The following ABCA13 variants were observed in gnomAD, a reference collection of about 807,000 sequenced individuals.
ABCA13 encodes the protein ATP-binding cassette sub-family A member 13.
Under a neutral mutation model 478.7 loss-of-function variants are expected in ABCA13, and 476 were observed. That is an observed-to-expected ratio of 0.99 (90% confidence interval 0.92 to 1.07). The LOEUF (loss-of-function observed/expected upper bound fraction) is 1.07. ABCA13 is among the 50% of genes least tolerant of loss of function. ABCA13 has a pLI of 0.00. For synonymous variants in ABCA13, 2,252 were observed against 2,158.9 expected, an observed-to-expected ratio of 1.04 and a Z score of -1.20; for missense variants, 6,060 against 5,910.6, an observed-to-expected ratio of 1.03 and a Z score of -0.83.
intron 39 of ABCA13, 90 bp downstream of exon 39, chr7:48,403,969 C>A: frequency 1.4e-6 from 2 of 1,434,884 alleles, no homozygotes; most frequent in Non-Finnish European, 1.9e-6. Context: ...CAAGTTGTAT[C>A]CCAGTGAGGC....
Position 48,575,935 on chromosome 7 carries a change from C to T in ABCA13, c.14355-4289C>T, listed in dbSNP as rs1407003072. 2.0e-5 allele frequency among the ~76,000 whole-genome samples: 3 copies of T among 152,056 alleles called. No homozygotes were observed. The East Asian group carries it at 5.8e-4, about 29-fold the overall frequency. ...TATCCATGGATTCAACTAACTGTGC[C>T]ACAAAATATTCAGAAAAAAAGGGAT... On this transcript the variant is annotated intron_variant, in intron 55 of 61. Coordinates refer to ENST00000435803, the MANE Select transcript of ABCA13 (RefSeq NM_152701.5).
intron 15 of ABCA13, among the ~76,000 whole-genome samples, chr7:48,250,172 G>T (rs1191431135): frequency 3.3e-5 from 5 of 152,182 alleles, no homozygotes; most frequent in Admixed American, 3.3e-4. Flanking sequence ...TGCATAGGGT[G>T]AGGTATGTGG....
At chr7:48,554,810 T>A (rs1022757685) in intron 55 of ABCA13, among the ~76,000 whole-genome samples, 5 of 142,370 alleles carry the variant, frequency 3.5e-5, no homozygotes, top group African/African-American at 1.4e-4. Flanking sequence ...TGGATGCCCT[T>A]TATTATTATT....
intron 9 of ABCA13, among the ~76,000 whole-genome samples, chr7:48,239,745 C>G (rs1324930848): frequency 6.6e-6 from 1 of 152,246 alleles, no homozygotes; most frequent in Admixed American, 6.5e-5. Context: ...CATTTGCATG[C>G]TAGCATTGGG....
At chr7:48,392,725 A>G (rs6955132) in intron 38 of ABCA13, among the ~76,000 whole-genome samples, 37,882 of 152,078 alleles carry the variant, frequency 0.25, 5,389 homozygotes, top group African/African-American at 0.39. Flanking sequence ...GGGAGAGACT[A>G]GATACAGAGT....
chr7:48,244,671 A>G lies in ABCA13; in HGVS notation c.1358A>G (p.Asn453Ser), dbSNP rs1200858991. ...CTTCAGCTTGATGGAGCTCTCAGAA[A>G]TGCGATAGCTCAGAATTTACATTTT... The part of the protein sequence containing the change: ...RFLQLDGALR[N>S]AIAQNLHFVQ... Residue 453 changes from asparagine to serine, a missense_variant, in exon 11 of 62, where the codon AAT (asparagine) becomes AGT (serine). Transcript: ENST00000435803. 1 of 1,609,364 alleles carries G rather than the reference A, an allele frequency of 6.2e-7. No individual in the cohort carries two copies. The highest frequency in any genetic ancestry group is 1.7e-4 in the Middle Eastern group (1 of 6,048).
intron 31 of ABCA13, among the ~76,000 whole-genome samples, chr7:48,362,574 A>G (rs1811053766): frequency 6.6e-6 from 1 of 151,472 alleles, no homozygotes; most frequent in Non-Finnish European, 1.5e-5. Flanking sequence ...ATAGTATAAA[A>G]TGCAATTATA....
At chr7:48,184,617 C>G (rs1226878396) in intron 1 of ABCA13, among the ~76,000 whole-genome samples, 1 of 152,006 alleles carries the variant, frequency 6.6e-6, no homozygotes, top group Non-Finnish European at 1.5e-5. Flanking sequence ...GTATGGAGTT[C>G]AAGTCCAGCC....
chr7:48,433,686 T>A (rs972859335), intron 42 of ABCA13, among the ~76,000 whole-genome samples: 1 of 151,812 alleles, frequency 6.6e-6, no homozygotes, highest in Non-Finnish European at 1.5e-5. Context: ...ACTCCTCATT[T>A]CTCCCTCCCC....
chr7:48,589,349 C>T (rs1333282046), intron 57 of ABCA13, among the ~76,000 whole-genome samples: 1 of 152,062 alleles, frequency 6.6e-6, no homozygotes, highest in African/African-American at 2.4e-5. Flanking sequence ...GGTTGGCTTA[C>T]CTAGCCAGAT....
rs1284304436 is a variant in ABCA13 at position 48,220,934 on chromosome 7, C to A, written c.440-347C>A. 3.3e-5 allele frequency among the ~76,000 whole-genome samples: 5 copies of A among 151,582 alleles called. No homozygotes were observed. The East Asian group carries it at 9.7e-4, about 29-fold the overall frequency. On this transcript the variant is annotated intron_variant, in intron 4 of 61. Transcript: ENST00000435803. ...CTTCAAGTTTTTCCTTCATTTTTTT[C>A]TTTTTAAAAAAATTTTCATTTATTC...
At chr7:48,630,027 C>T (rs1794036610) in intron 59 of ABCA13, among the ~76,000 whole-genome samples, 2 of 152,046 alleles carry the variant, frequency 1.3e-5, no homozygotes, top group African/African-American at 2.4e-5. Context: ...TTTTGTTCTA[C>T]TTTTCCTTTT....
intron 57 of ABCA13, among the ~76,000 whole-genome samples, chr7:48,592,720 A>G (rs1355151053): frequency 6.6e-6 from 1 of 151,816 alleles, no homozygotes; most frequent in Non-Finnish European, 1.5e-5. Flanking sequence ...TACTCCTTTC[A>G]GTTTTGTTAA....
intron 42 of ABCA13, among the ~76,000 whole-genome samples, chr7:48,451,462 C>T (rs1298002364): frequency 1.3e-5 from 2 of 152,110 alleles, no homozygotes; most frequent in Non-Finnish European, 2.9e-5. Flanking sequence ...TAAGAAGATC[C>T]GTTTCCTTAA....
At position 48,482,961 on chromosome 7, in the gene ABCA13, A is replaced by G. The variant is rs1415299962; in HGVS notation, c.13095-115A>G. The stretch of plus-strand genomic sequence containing the variant: ...TTCATGTCACAGACCACAGATGCTC[A>G]GTTGGCTACTGTCCTAAGACTGCTG... On this transcript the variant is annotated intron_variant, in intron 46 of 61. Coordinates refer to ENST00000435803, the MANE Select transcript of ABCA13 (RefSeq NM_152701.5). The G allele has an allele frequency of 5.5e-6, 4 of 726,208 alleles. No individual in the cohort carries two copies. In the Admixed American group the frequency reaches 1.2e-4, roughly 22 times the overall value. 45.0% of individuals were successfully genotyped at this position (726,208 alleles called of 1,614,324 possible).
intron 59 of ABCA13, among the ~76,000 whole-genome samples, chr7:48,631,874 G>T (rs937070285): frequency 3.9e-5 from 6 of 152,062 alleles, no homozygotes; most frequent in African/African-American, 1.4e-4. Context: ...TCTTTGTAGA[G>T]ATCCTTCACT....
intron 59 of ABCA13, among the ~76,000 whole-genome samples, chr7:48,637,745 A>G (rs1794790740): frequency 6.6e-6 from 1 of 152,212 alleles, no homozygotes; most frequent in African/African-American, 2.4e-5. Context: ...TCCTTACTTT[A>G]AAATGATCCC....
chr7:48,333,627 C>G (rs1235726179), intron 27 of ABCA13, among the ~76,000 whole-genome samples: 1 of 152,140 alleles, frequency 6.6e-6, no homozygotes, highest in African/African-American at 2.4e-5. Flanking sequence ...CAGATCTTGG[C>G]CCACTTTGTG....
intron 1 of ABCA13, among the ~76,000 whole-genome samples, chr7:48,181,244 C>G (rs1452700462): frequency 1.3e-5 from 2 of 152,136 alleles, no homozygotes; most frequent in Non-Finnish European, 1.5e-5. Context: ...TCTATTTTTT[C>G]CTTATATAAC....
Sources: allele counts gnomAD v4.1 joint callset (sites outside exome capture counted in the v4.1 genomes callset), GRCh38; gene constraint gnomAD v4.1.1; transcripts MANE v1.5; gene names NCBI Gene and HGNC (gene_info 2026-07-23, HGNC 2026-07-21).